Variants in ELL observed in about 807,000 individuals in gnomAD.
ELL encodes the protein elongation factor for RNA polymerase II, also known as RNA polymerase II elongation factor ELL.
Under a neutral mutation model 64.0 loss-of-function variants are expected in ELL, and 18 were observed. That is an observed-to-expected ratio of 0.28 (90% CI 0.19 to 0.42). The LOEUF (loss-of-function observed/expected upper bound fraction) is 0.42, where lower values mean the gene tolerates loss of function less well. Ranked by LOEUF, ELL falls within the 10% of genes least tolerant of loss-of-function variation. The pLI is 1.00. For synonymous variants in ELL, 399 were observed against 376.2 expected (o/e 1.06, Z -0.70); for missense variants, 797 against 870.4 (o/e 0.92, Z 1.06).
chr19:18,488,766 C>A (rs529530718), intron 1 of ELL, among the ~76,000 whole-genome samples: 1 of 152,164 alleles, frequency 6.6e-6, no homozygotes, highest in Non-Finnish European at 1.5e-5. Context: ...CTCAGGGAAG[C>A]CAGGTGCCTT....
At chr19:18,479,192 C>T (rs1975239986) in intron 1 of ELL, among the ~76,000 whole-genome samples, 1 of 152,178 alleles carries the variant, frequency 6.6e-6, no homozygotes, top group African/African-American at 2.4e-5. Flanking sequence ...CAGTCCCCAC[C>T]ATCTGGCTCG....
rs552151076 is a variant in ELL, at chr19:18,479,400, G to A, written c.136-6518C>T. Among the ~76,000 whole-genome samples the A allele has an allele frequency of 5.3e-5, 8 of 152,248 alleles. No individual in the cohort carries two copies. The East Asian group carries it at 7.7e-4, about 15-fold the overall frequency. ...TATAAAATATAAATGGAAAAGTTACGGGTGAAGAAGAACGTATCTGATTGT... is the reference window on the plus strand; with the variant it reads ...TATAAAATATAAATGGAAAAGTTACAGGTGAAGAAGAACGTATCTGATTGT... On this transcript the variant is annotated intron_variant, in intron 1 of 11. Transcript: ENST00000262809.
rs986014507 is a variant in ELL at position 18,442,736 on chromosome 19, G to A, written c.*2016C>T. 5.1e-6 allele frequency: 1 copy of A among 197,776 alleles called. No individual in the cohort carries two copies. Among genetic ancestry groups the A allele is most frequent in the Non-Finnish European group, 1.0e-5 (1 of 96,682 alleles). The allele number at this position is 197,776 out of a possible 1,614,324, so 12.3% of individuals were successfully genotyped here. On this transcript the variant is annotated 3_prime_UTR_variant, in exon 12 of 12. Transcript: ENST00000262809. ...TGTTTAGTGTACAAAAAGGACACTA[G>A]ATCTTTTAAGAAAATATCAGGAAAC...
In ELL at chr19:18,522,059, G is replaced by T; in HGVS notation, c.-4C>A. The T allele has an allele frequency of 1.3e-6, 2 of 1,598,988 alleles. No homozygotes were observed. Among genetic ancestry groups the T allele is most frequent in the Non-Finnish European group, 1.7e-6 (2 of 1,171,676 alleles). ...TATCCTCCTTCAGCGCCGCCATCTT[G>T]CGACCATCTCTCCCCCGCGCCCCCT... On this transcript the variant is annotated 5_prime_UTR_variant, in exon 1 of 12. Transcript: ENST00000262809.
intron 1 of ELL, among the ~76,000 whole-genome samples, chr19:18,510,205 T>C (rs890773336): frequency 1.4e-4 from 22 of 152,180 alleles, no homozygotes; most frequent in Admixed American, 1.1e-3. Context: ...CCGTCTCTAC[T>C]AAAAACACAA....
intron 1 of ELL, among the ~76,000 whole-genome samples, chr19:18,515,024 G>A (rs1011065856): frequency 6.6e-6 from 1 of 152,252 alleles, no homozygotes; most frequent in Middle Eastern, 3.2e-3. Context: ...CTTCAAAGGT[G>A]ATGAACTACG....
In ELL at chr19:18,450,983, G is replaced by A; in HGVS notation, c.967-8C>T. ...AGGAGGCTGCAGCCGCTTCTGGAGA[G>A]GAGCAGAGATCATTTTAGAGGGGAG... On this transcript the variant is annotated splice_polypyrimidine_tract_variant and splice_region_variant and intron_variant, in intron 7 of 11. Coordinates refer to ENST00000262809, the MANE Select transcript of ELL (RefSeq NM_006532.4). The A allele has an allele frequency of 6.6e-7, 1 of 1,516,264 alleles. No individual in the cohort carries two copies. The highest frequency in any genetic ancestry group is 2.3e-5 in the East Asian group (1 of 43,816). 93.9% of individuals were successfully genotyped at this position (1,516,264 alleles called of 1,614,324 possible). A position where few individuals can be genotyped will look rare whatever the true frequency, so the allele number is the denominator to read the frequency against.
Position 18,446,462 on chromosome 19 carries a change from G to A in ELL, c.1551C>T (p.Ser517=), listed in dbSNP as rs373325654. 49 of 1,612,378 alleles carry A rather than the reference G, an allele frequency of 3.0e-5. No homozygotes were observed. Among genetic ancestry groups the A allele is most frequent in the Non-Finnish European group, 4.2e-5 (49 of 1,179,894 alleles). ...PDYLLKYAAI[S]SSEQRQSYKN... ...TGTAGCTCTGGCGCTGCTCCGAAGA[G>A]GAGATGGCTGCGTACTTCCTGAAAC... Residue 517 remains serine (S), a synonymous_variant, in exon 10 of 12, where the codon TCC becomes TCT. Transcript: ENST00000262809.
chr19:18,443,794 G>C lies in ELL; in HGVS notation c.*958C>G, dbSNP rs1047673259. The C allele has an allele frequency of 4.3e-6, 1 of 233,058 alleles. No homozygotes were observed. Among genetic ancestry groups the C allele is most frequent in the East Asian group, 6.0e-5 (1 of 16,552 alleles). 14.4% of individuals were successfully genotyped at this position (233,058 alleles called of 1,614,324 possible). A position where few individuals can be genotyped will look rare whatever the true frequency, so the allele number is the denominator to read the frequency against. ...CAGCCCTCCATCAGCCCCTCCCTGA[G>C]TGCAAACCTTGGCGGTGGCTCTGCT... On this transcript the variant is annotated 3_prime_UTR_variant, in exon 12 of 12. Coordinates refer to ENST00000262809, the MANE Select transcript of ELL (RefSeq NM_006532.4).
Position 18,465,801 on chromosome 19 carries a change from A to C in ELL, c.301T>G (p.Ser101Ala), listed in dbSNP as rs761250991. The C allele has an allele frequency of 9.3e-6, 13 of 1,401,142 alleles. No homozygotes were observed. The highest frequency in any genetic ancestry group is 1.2e-5 in the Non-Finnish European group (13 of 1,069,622). The allele number at this position is 1,401,142 out of a possible 1,614,324, so 86.8% of individuals were successfully genotyped here. A position where few individuals can be genotyped will look rare whatever the true frequency, so the allele number is the denominator to read the frequency against. ...TGGGGTGGGGCGGCGCCTCACCTGG[A>C]GACATACTGCTGGATGCAGTCGAAG... is the stretch of plus-strand genomic sequence containing the variant. ...GSFDCIQQYV[S>A]SHGEVHLDCL... The change falls in exon 3 of 12, where the codon TCC becomes GCC. Residue 101 changes from serine to alanine, a missense_variant. By Grantham distance (99) the Ser-to-Ala change is moderately conservative. Transcript: ENST00000262809.
chr19:18,465,866 A>G lies in ELL; in HGVS notation c.236T>C (p.Phe79Ser). The change falls in exon 3 of 12, where the codon TTC becomes TCC. Residue 79 changes from phenylalanine to serine, a missense_variant. By Grantham distance (155) the Phe-to-Ser change is radical. Transcript: ENST00000262809. The part of the protein sequence containing the change: ...DCPAEARTFS[F>S]YLSNIGRDNP... ...GTCGCGGCCGATGTTGGAGAGGTAG[A>G]AGGAGAACGTCCGCGCCTCTGCGGG... 7.4e-7 allele frequency: 1 copy of G among 1,347,132 alleles called. No individual in the cohort carries two copies. The highest frequency in any genetic ancestry group is 9.6e-7 in the Non-Finnish European group (1 of 1,040,320). The allele number at this position is 1,347,132 out of a possible 1,614,324, so 83.4% of individuals were successfully genotyped here.
intron 1 of ELL, among the ~76,000 whole-genome samples, chr19:18,486,386 G>T (rs60570301): frequency 2.0e-5 from 3 of 152,164 alleles, no homozygotes; most frequent in Non-Finnish European, 4.4e-5. Context: ...GACCCAGAGT[G>T]GGGGTGCGGT....
chr19:18,502,137 A>G (rs1235782617), intron 1 of ELL, among the ~76,000 whole-genome samples: 2 of 152,134 alleles, frequency 1.3e-5, no homozygotes, highest in African/African-American at 4.8e-5. Flanking sequence ...GGTGCCCCAC[A>G]GCTCCACGGG....
Position 18,451,602 on chromosome 19 carries a change from C to G in ELL, c.916G>C (p.Ala306Pro), listed in dbSNP as rs1479539146. The G allele has an allele frequency of 6.7e-7, 1 of 1,500,482 alleles. No individual in the cohort carries two copies. Among genetic ancestry groups the G allele is most frequent in the Non-Finnish European group, 8.8e-7 (1 of 1,131,786 alleles). The allele number at this position is 1,500,482 out of a possible 1,614,324, so 92.9% of individuals were successfully genotyped here. The stretch of plus-strand genomic sequence containing the variant: ...CGCTCGCCTGGGGGGCTGGAGGCAG[C>G]AGGGTCTCCAAGGAGGCTGCCAGTG... ...QSTGSLLGDP[A>P]ASSPPGERGR... The change falls in exon 7 of 12, where the codon GCT (alanine) becomes CCT (proline). Residue 306 changes from alanine to proline, a missense_variant. Transcript: ENST00000262809.
intron 1 of ELL, among the ~76,000 whole-genome samples, chr19:18,515,154 A>G (rs1257223518): frequency 1.3e-5 from 2 of 152,246 alleles, no homozygotes; most frequent in Admixed American, 6.5e-5. Context: ...TGCCGAGTGC[A>G]GAGCTCAGTC....
In ELL at chr19:18,477,519, G is replaced by A. The variant is rs921559727; in HGVS notation, c.136-4637C>T. ...AGCAGGAAAACTACCAGGTCGTGGC[G>A]CATCATGAGCAAATCAGCACAGCCA... is the stretch of plus-strand genomic sequence containing the variant. On this transcript the variant is annotated intron_variant, in intron 1 of 11. Coordinates refer to ENST00000262809, the MANE Select transcript of ELL (RefSeq NM_006532.4). 2.6e-5 allele frequency among the ~76,000 whole-genome samples: 4 copies of A among 152,248 alleles called. No homozygotes were observed. The East Asian group carries it at 5.8e-4, about 22-fold the overall frequency.
In ELL at chr19:18,446,299, G is replaced by A. The variant is rs1398047817; in HGVS notation, c.1704+10C>T. The A allele has an allele frequency of 2.6e-6, 4 of 1,563,426 alleles. No homozygotes were observed. Among genetic ancestry groups the A allele is most frequent in the Admixed American group, 3.8e-5 (2 of 52,200 alleles). ...GAGCCAGGGCACAGTAGGCAGCGGG[G>A]GGGCTCTACCTCATACTCCTCGGAG... On this transcript the variant is annotated intron_variant, in intron 10 of 11. Transcript: ENST00000262809.
At chr19:18,497,352 T>C (rs1268610368) in intron 1 of ELL, among the ~76,000 whole-genome samples, 1 of 152,198 alleles carries the variant, frequency 6.6e-6, no homozygotes, top group Admixed American at 6.5e-5. Flanking sequence ...CATCGGTGGA[T>C]GCCAGCGGGC....
chr19:18,505,677 C>A (rs1057407682), intron 1 of ELL, among the ~76,000 whole-genome samples: 30 of 152,288 alleles, frequency 2.0e-4, no homozygotes, highest in African/African-American at 5.8e-4. Context: ...ACCAGGCACA[C>A]ACAGGGGAGG....
Sources: gnomAD v4.1 joint callset for allele counts (sites outside exome capture counted in the v4.1 genomes callset) on GRCh38, gnomAD v4.1.1 for gene constraint, MANE v1.5 for transcripts, NCBI Gene and HGNC (gene_info 2026-07-23, HGNC 2026-07-21) for gene names.